GPN3: variants seen among roughly 807,000 people sequenced by gnomAD.
The protein encoded by GPN3 is GPN-loop GTPase 3, also known as ATP-binding domain 1 family member C.
GPN3 carries 31 observed loss-of-function variants against 38.7 expected under a neutral mutation model. The observed-to-expected ratio is 0.80, with a 90% confidence interval of 0.60 to 1.08. GPN3 has a LOEUF of 1.08. Among genes scored for constraint, GPN3 ranks in the 50% least tolerant of loss-of-function variants. The pLI, the probability that GPN3 is intolerant of heterozygous loss-of-function variation, is 0.00. For missense variants in GPN3, 301 were observed against 354.4 expected (o/e 0.85, Z 1.21); for synonymous variants, 116 against 120.2 (o/e 0.96, Z 0.23).
chr12:110,468,034 A>C, intron 1 of GPN3, 122 bp downstream of exon 1: 1 of 1,325,396 alleles, frequency 7.5e-7, no homozygotes, highest in Non-Finnish European at 1.1e-6. Context: ...AGACAGCAGA[A>C]ATGAGTTGCG....
upstream of GPN3, chr12:110,468,598 A>C: frequency 6.5e-7 from 1 of 1,537,178 alleles, no homozygotes; most frequent in Non-Finnish European, 8.7e-7. Flanking sequence ...GAGGATCTGG[A>C]ATACTGAAGT....
In GPN3 at chr12:110,459,787, A is replaced by G; in HGVS notation, c.233T>C (p.Val78Ala). The change falls in exon 3 of 8, where the codon GTA becomes GCA. Residue 78 changes from valine to alanine, a missense_variant. By Grantham distance (64) the Val-to-Ala change is moderately conservative (BLOSUM62 0). Transcript: ENST00000228827. The stretch of plus-strand genomic sequence containing the variant: ...ATTGGCAAAGTACTCCATGCAAAAT[A>G]CCAATCCTCCGTTGGGACCGAATCG... ...SLRFGPNGGLVFCMEYFANNF... is the reference protein window; with the variant it reads ...SLRFGPNGGLAFCMEYFANNF... 1 of 1,613,270 alleles carries G rather than the reference A, an allele frequency of 6.2e-7. No homozygotes were observed. The highest frequency in any genetic ancestry group is 1.7e-4 in the Middle Eastern group (1 of 6,058).
intron 1 of GPN3, among the ~76,000 whole-genome samples, chr12:110,467,872 C>A (rs1341757019): frequency 6.6e-6 from 1 of 152,096 alleles, no homozygotes; most frequent in Non-Finnish European, 1.5e-5. Context: ...ATCTCGTTTT[C>A]TGTAAAATGA....
intron 2 of GPN3, chr12:110,464,894 C>T: frequency 7.3e-6 from 4 of 547,768 alleles, no homozygotes; most frequent in Non-Finnish European, 9.9e-6. Context: ...CGCCCGGCCC[C>T]ATTTACTTTT....
rs1429325267 is a variant in GPN3, at chr12:110,468,192, A to T, written c.12T>A (p.Tyr4Ter). The T allele has an allele frequency of 6.8e-6, 11 of 1,609,496 alleles. No homozygotes were observed. Among genetic ancestry groups the T allele is most frequent in the Non-Finnish European group, 9.3e-6 (11 of 1,179,958 alleles). The change falls in exon 1 of 8, where the codon TAT becomes TAA. Residue 4 changes from tyrosine to a stop codon, truncating the protein, a stop_gained. Coordinates refer to ENST00000228827, the MANE Select transcript of GPN3 (RefSeq NM_016301.4). LOFTEE classifies it high-confidence loss of function. MPR[Y>*]AQLVMGPAGS... ...CCGCGGGGCCCATGACCAGCTGCGCATACCGAGGCATGTTGGCTCCCGGAG... is the reference window on the plus strand; with the variant it reads ...CCGCGGGGCCCATGACCAGCTGCGCTTACCGAGGCATGTTGGCTCCCGGAG...
Position 110,458,331 on chromosome 12 carries a change from T to C in GPN3, c.326-697A>G, listed in dbSNP as rs2062564601. Reference sequence around the variant, plus strand: ...TCCTATCTCTACAAAAATAAATAAATAAGTGCTACAAAGATATCTATAGTT... The same window carrying C: ...TCCTATCTCTACAAAAATAAATAAACAAGTGCTACAAAGATATCTATAGTT... On this transcript the variant is annotated intron_variant, in intron 3 of 7. Coordinates refer to ENST00000228827, the MANE Select transcript of GPN3 (RefSeq NM_016301.4). This position sits in a 1 kb window ranked among gnomAD's most constrained non-coding sequence, Gnocchi z 4.4. Among the ~76,000 whole-genome samples, 1 of 152,032 alleles carries C rather than the reference T, an allele frequency of 6.6e-6. No homozygotes were observed. Among genetic ancestry groups the C allele is most frequent in the Admixed American group, 6.6e-5 (1 of 15,244 alleles).
upstream of GPN3, chr12:110,468,509 T>C: frequency 6.5e-7 from 1 of 1,537,276 alleles, no homozygotes; most frequent in Non-Finnish European, 8.7e-7. Context: ...CTCCGCATCC[T>C]TGCGCCACGT....
intron 1 of GPN3, among the ~76,000 whole-genome samples, chr12:110,466,575 T>TCCA (rs2062629275): frequency 6.7e-6 from 1 of 150,218 alleles, no homozygotes; most frequent in South Asian, 2.1e-4. Flanking sequence ...CATAGCTCAC[T>TCCA]GCAGCTTTGA....
At position 110,455,894 on chromosome 12, in the gene GPN3, T is replaced by G. The variant is rs1274917555; in HGVS notation, c.487A>C (p.Ile163Leu). The G allele has an allele frequency of 1.7e-5, 27 of 1,608,080 alleles. No homozygotes were observed. The highest frequency in any genetic ancestry group is 2.2e-5 in the East Asian group (1 of 44,864). Residue 163 changes from isoleucine (I) to leucine (L), a missense_variant, in exon 5 of 8, where the codon ATC (isoleucine) becomes CTC (leucine). Transcript: ENST00000228827. The part of the protein sequence containing the change: ...SGILAALSAM[I>L]SLEIPQVNIM... ...TTGACTTGCGGAATTTCTAGAGAGA[T>G]CATGGCACTCAGGGCTGCCAAGATG... is the stretch of plus-strand genomic sequence containing the variant.
rs546809148 is a variant in GPN3, at chr12:110,455,454, G to C, written c.663+132C>G. 66 of 620,140 alleles carry C rather than the reference G, an allele frequency of 1.1e-4. No homozygotes were observed. In the East Asian group the frequency reaches 1.6e-3, roughly 15 times the overall value. 38.4% of individuals were successfully genotyped at this position (620,140 alleles called of 1,614,324 possible). On this transcript the variant is annotated intron_variant, in intron 6 of 7. Coordinates refer to ENST00000228827, the MANE Select transcript of GPN3 (RefSeq NM_016301.4). ...AATTTAAAAAATTTTTTTAGAGATA[G>C]GGTGTCACTATGTTGCCCAGGCTGG...
chr12:110,468,232 C>T lies in GPN3; in HGVS notation c.-29G>A. ...GGCTCCCGGAGCCGCCCGCCACACT[C>T]CCTTAGCCTTCGCGCGACGCCCACT... is the stretch of plus-strand genomic sequence containing the variant. On this transcript the variant is annotated 5_prime_UTR_variant, in exon 1 of 8. Coordinates refer to ENST00000228827, the MANE Select transcript of GPN3 (RefSeq NM_016301.4). The T allele has an allele frequency of 6.2e-7, 1 of 1,607,836 alleles. No individual in the cohort carries two copies. The highest frequency in any genetic ancestry group is 8.5e-7 in the Non-Finnish European group (1 of 1,179,932).
At chr12:110,467,979 C>T (rs2135533419) in intron 1 of GPN3, 177 bp downstream of exon 1, 3 of 866,474 alleles carry the variant, frequency 3.5e-6, no homozygotes, top group South Asian at 2.7e-5. Flanking sequence ...TTAACAACTA[C>T]CATTATTTCC....
intron 2 of GPN3, among the ~76,000 whole-genome samples, chr12:110,460,737 T>TG (rs1284039218): frequency 6.6e-6 from 1 of 151,856 alleles, no homozygotes; most frequent in East Asian, 1.9e-4. Context: ...GAGGCCGAGG[T>TG]GGGGGGATCA....
In GPN3 at chr12:110,458,753, C is replaced by T. The variant is rs1023717571; in HGVS notation, c.325+942G>A. Among the ~76,000 whole-genome samples, 2 of 151,362 alleles carry T rather than the reference C, an allele frequency of 1.3e-5. No homozygotes were observed. Among genetic ancestry groups the T allele is most frequent in the Non-Finnish European group, 2.9e-5 (2 of 67,948 alleles). ...CGAGATGGCGCCATCATACTCCAGC[C>T]TGGGTGACAGGAATGAAACTCAGTC... On this transcript the variant is annotated intron_variant, in intron 3 of 7. Coordinates refer to ENST00000228827, the MANE Select transcript of GPN3 (RefSeq NM_016301.4). This position sits in a 1 kb window ranked among gnomAD's most constrained non-coding sequence, Gnocchi z 4.4.
chr12:110,465,156 A>G lies in GPN3; in HGVS notation c.107T>C (p.Val36Ala). ...TTCTGCTGCTGGATCCAGGTTTACA[A>G]CTTGGACAGACCGGTTGAGGGCTTC... ...HCEALNRSVQ[V>A]VNLDPAAEHF... Residue 36 changes from valine (V) to alanine (A), a missense_variant, in exon 2 of 8, where the codon GTT (valine) becomes GCT (alanine). Coordinates refer to ENST00000228827, the MANE Select transcript of GPN3 (RefSeq NM_016301.4). 6.2e-7 allele frequency: 1 copy of G among 1,612,156 alleles called. No homozygotes were observed. Among genetic ancestry groups the G allele is most frequent in the Non-Finnish European group, 8.5e-7 (1 of 1,178,174 alleles).
At chr12:110,454,540 C>CG (rs2062536499) in intron 6 of GPN3, among the ~76,000 whole-genome samples, 1 of 151,782 alleles carries the variant, frequency 6.6e-6, no homozygotes, top group South Asian at 2.1e-4. Context: ...TTAGTACAGA[C>CG]GGGGTTTCAC....
Position 110,457,533 on chromosome 12 carries a change from G to C in GPN3, c.427C>G (p.Gln143Glu), listed in dbSNP as rs765647036. 1.3e-6 allele frequency: 2 copies of C among 1,586,728 alleles called. No homozygotes were observed. The highest frequency in any genetic ancestry group is 1.7e-6 in the Non-Finnish European group (2 of 1,164,522). The change falls in exon 4 of 8, where the codon CAG becomes GAG. Residue 143 changes from glutamine to glutamate, a missense_variant. Coordinates refer to ENST00000228827, the MANE Select transcript of GPN3 (RefSeq NM_016301.4). Reference sequence around the variant, plus strand: ...ACCTTGAATGACTCCACCATGAACTGAGAATCAACAAGAAAAACTCCACAG... The same window carrying C: ...ACCTTGAATGACTCCACCATGAACTCAGAATCAACAAGAAAAACTCCACAG... ...RVCGVFLVDS[Q>E]FMVESFKFIS...
Position 110,457,562 on chromosome 12 carries a change from C to T in GPN3, c.398G>A (p.Arg133Gln), listed in dbSNP as rs758097273. Residue 133 changes from arginine (R) to glutamine (Q), a missense_variant, in exon 4 of 8, where the codon CGA (arginine) becomes CAA (glutamine). By Grantham distance (43) the Arg-to-Gln change is conservative. Transcript: ENST00000228827. Reference sequence around the variant, plus strand: ...ATCAACAAGAAAAACTCCACAGACTCGGAACTCCCACTGCTCGAGCTGCTG... The same window carrying T: ...ATCAACAAGAAAAACTCCACAGACTTGGAACTCCCACTGCTCGAGCTGCTG... ...LVQQLEQWEF[R>Q]VCGVFLVDSQ... The T allele has an allele frequency of 1.3e-5, 21 of 1,610,514 alleles. No homozygotes were observed. Among genetic ancestry groups the T allele is most frequent in the East Asian group, 6.7e-5 (3 of 44,762 alleles).
chr12:110,464,279 T>TCTCC lies in GPN3; in HGVS notation c.157+826_157+827insGGAG, dbSNP rs551604495. Among the ~76,000 whole-genome samples the TCTCC allele has an allele frequency of 8.8e-3, 1,335 of 152,238 alleles. 3 individuals are homozygous for TCTCC. The highest frequency in any genetic ancestry group is 9.4e-3 in the Non-Finnish European group (637 of 68,020). The stretch of plus-strand genomic sequence containing the variant: ...CCTGACAATTCTAGCTAAAGCAACC[T>TCTCC]CAATGAGTACTTCTCATGAGCCTGT... On this transcript the variant is annotated intron_variant, in intron 2 of 7. Coordinates refer to ENST00000228827, the MANE Select transcript of GPN3 (RefSeq NM_016301.4).
Sources: allele counts gnomAD v4.1 joint callset (sites outside exome capture counted in the v4.1 genomes callset), GRCh38; gene constraint gnomAD v4.1.1; non-coding constraint Gnocchi (gnomAD v3.1); transcripts MANE v1.5; gene names NCBI Gene and HGNC (gene_info 2026-07-23, HGNC 2026-07-21).